Variants in ZNF804A observed in about 807,000 individuals in gnomAD.
The protein encoded by ZNF804A is zinc finger protein 804A.
ZNF804A carries 2 observed loss-of-function variants against 16.5 expected under a neutral mutation model. The observed-to-expected ratio is 0.12, with a 90% CI of 0.05 to 0.38. ZNF804A has a LOEUF of 0.38. Ranked by LOEUF, ZNF804A falls within the 10% of genes least tolerant of loss-of-function variation. The pLI, the probability that ZNF804A is intolerant of heterozygous loss-of-function variation, is 0.99. For missense variants in ZNF804A, 1,473 were observed against 1,390.7 expected (o/e 1.06, Z -0.94); for synonymous variants, 534 against 489.6 (o/e 1.09, Z -1.20).
intron 2 of ZNF804A, among the ~76,000 whole-genome samples, chr2:184,901,270 A>G (rs574741975): frequency 6.6e-6 from 1 of 152,280 alleles, no homozygotes; most frequent in East Asian, 1.9e-4. Flanking sequence ...ACAAAGGATA[A>G]AGAGGAGGGA....
chr2:184,734,309 G>T (rs1204323205), intron 1 of ZNF804A, among the ~76,000 whole-genome samples: 1 of 151,984 alleles, frequency 6.6e-6, no homozygotes, highest in Non-Finnish European at 1.5e-5. Flanking sequence ...GCTTTATTCT[G>T]TAAATTACCG....
chr2:184,798,360 T>C (rs949851730), intron 1 of ZNF804A, among the ~76,000 whole-genome samples: 1 of 151,898 alleles, frequency 6.6e-6, no homozygotes, highest in African/African-American at 2.4e-5. Flanking sequence ...TTTTCTTCTT[T>C]TTCAGGAACA....
intron 1 of ZNF804A, among the ~76,000 whole-genome samples, chr2:184,608,237 G>T (rs1691182820): frequency 6.6e-6 from 1 of 152,102 alleles, no homozygotes; most frequent in Admixed American, 6.5e-5. Flanking sequence ...GAGCCACCGC[G>T]CCCGGCCGAT....
chr2:184,774,146 T>C (rs889568194), intron 1 of ZNF804A, among the ~76,000 whole-genome samples: 1 of 151,972 alleles, frequency 6.6e-6, no homozygotes, highest in Admixed American at 6.6e-5. Flanking sequence ...TACTATTTGA[T>C]ATGTATATAG....
chr2:184,934,907 A>C (rs2105843099), intron 3 of ZNF804A, among the ~76,000 whole-genome samples: 1 of 152,232 alleles, frequency 6.6e-6, no homozygotes, highest in Middle Eastern at 3.4e-3. Context: ...AGCTAAATGA[A>C]GCAATACATT....
rs1684917167 is a variant in ZNF804A at position 184,887,666 on chromosome 2, C to A, written c.255+21154C>A. The stretch of plus-strand genomic sequence containing the variant: ...ACGAGGAGGAAGCAAAAGCAGAAAC[C>A]CCTGATAAACCCATCAGATCTTGTG... On this transcript the variant is annotated intron_variant, in intron 2 of 3. Coordinates refer to ENST00000302277, the MANE Select transcript of ZNF804A (RefSeq NM_194250.2). Among the ~76,000 whole-genome samples the A allele has an allele frequency of 3.9e-5, 6 of 152,066 alleles. No homozygotes were observed. The South Asian group carries it at 1.2e-3, about 31-fold the overall frequency.
intron 1 of ZNF804A, among the ~76,000 whole-genome samples, chr2:184,825,911 A>G (rs1324788613): frequency 1.3e-5 from 2 of 151,880 alleles, no homozygotes; most frequent in Non-Finnish European, 2.9e-5. Context: ...TCACTCTGTC[A>G]CCCAGGCTGG....
intron 1 of ZNF804A, among the ~76,000 whole-genome samples, chr2:184,661,560 A>G (rs1320359373): frequency 6.6e-6 from 1 of 152,212 alleles, no homozygotes; most frequent in South Asian, 2.1e-4. Context: ...GTATGGGCTT[A>G]GAATGCTGAC....
At chr2:184,677,163 G>A (rs757221098) in intron 1 of ZNF804A, among the ~76,000 whole-genome samples, 1 of 151,872 alleles carries the variant, frequency 6.6e-6, no homozygotes, top group Non-Finnish European at 1.5e-5. Context: ...TGCTTAAACT[G>A]TATAGGATTT....
At chr2:184,819,643 A>G (rs113353149) in intron 1 of ZNF804A, among the ~76,000 whole-genome samples, 1 of 151,912 alleles carries the variant, frequency 6.6e-6, no homozygotes, top group Non-Finnish European at 1.5e-5. Flanking sequence ...TGTTTTTAAA[A>G]AAAAAAATTT....
chr2:184,767,743 A>T (rs1032071804), intron 1 of ZNF804A, among the ~76,000 whole-genome samples: 1 of 152,140 alleles, frequency 6.6e-6, no homozygotes, highest in African/African-American at 2.4e-5. Context: ...GGAGTAAAAA[A>T]CACTTTAGGT....
intron 1 of ZNF804A, among the ~76,000 whole-genome samples, chr2:184,717,244 A>G (rs1450136521): frequency 6.6e-6 from 1 of 152,128 alleles, no homozygotes. Context: ...CTGCCCTGAA[A>G]TCTTTTCATT....
At chr2:184,611,728 T>A (rs1057449522) in intron 1 of ZNF804A, among the ~76,000 whole-genome samples, 1 of 152,202 alleles carries the variant, frequency 6.6e-6, no homozygotes, top group Non-Finnish European at 1.5e-5. Flanking sequence ...CATAGATTAA[T>A]AACATTGTCA....
intron 2 of ZNF804A, among the ~76,000 whole-genome samples, chr2:184,911,551 G>C (rs1311171307): frequency 1.3e-5 from 2 of 151,882 alleles, no homozygotes; most frequent in Admixed American, 1.3e-4. Flanking sequence ...TTAATCTATA[G>C]ATTACTTTGA....
At chr2:184,640,149 G>A (rs1457605874) in intron 1 of ZNF804A, among the ~76,000 whole-genome samples, 2 of 151,876 alleles carry the variant, frequency 1.3e-5, no homozygotes, top group Non-Finnish European at 2.9e-5. Context: ...ATTCTAGGCA[G>A]GGGACATTAT....
chr2:184,861,502 A>G (rs1484241385), intron 1 of ZNF804A, among the ~76,000 whole-genome samples: 1 of 152,138 alleles, frequency 6.6e-6, no homozygotes, highest in Non-Finnish European at 1.5e-5. Flanking sequence ...TTGAAGACAA[A>G]AAGCACAGTC....
intron 1 of ZNF804A, among the ~76,000 whole-genome samples, chr2:184,700,661 A>G (rs1208488043): frequency 1.3e-5 from 2 of 152,102 alleles, no homozygotes; most frequent in African/African-American, 4.8e-5. Context: ...GGAAAAGAAA[A>G]CCAACAAAAA....
intron 1 of ZNF804A, among the ~76,000 whole-genome samples, chr2:184,744,061 A>G (rs564954527): frequency 6.6e-5 from 10 of 151,992 alleles, no homozygotes; most frequent in South Asian, 2.1e-4. Context: ...ACTTAAAATA[A>G]CCACTTGTTA....
chr2:184,675,098 T>C lies in ZNF804A; in HGVS notation c.111+76028T>C, dbSNP rs564567259. ...TGTATGTATTTATGTAAGTATGTAC[T>C]GTGCATGTATGAGTGTTTTGTGTTT... On this transcript the variant is annotated intron_variant, in intron 1 of 3. Transcript: ENST00000302277. 3.3e-5 allele frequency among the ~76,000 whole-genome samples: 5 copies of C among 151,926 alleles called. No homozygotes were observed. In the East Asian group the frequency reaches 9.7e-4, roughly 29 times the overall value.
Sources: allele counts gnomAD v4.1 joint callset (sites outside exome capture counted in the v4.1 genomes callset), GRCh38; gene constraint gnomAD v4.1.1; transcripts MANE v1.5; gene names NCBI Gene and HGNC (gene_info 2026-07-23, HGNC 2026-07-21).